Variants in FXR1 observed in about 807,000 individuals in gnomAD.
The protein encoded by FXR1 is FMR1 autosomal homolog 1, also known as RNA-binding protein FXR1.
Under a neutral mutation model 84.0 loss-of-function variants are expected in FXR1, and 15 were observed. The ratio of observed to expected loss-of-function variants is 0.18; its 90% CI spans 0.12 to 0.27. The LOEUF is 0.27. Ranked by LOEUF, FXR1 falls within the 10% of genes least tolerant of loss-of-function variation. The pLI, the probability that FXR1 is intolerant of heterozygous loss-of-function variation, is 1.00. For synonymous variants in FXR1, 245 were observed against 250.7 expected (o/e 0.98, Z 0.21); for missense variants, 480 against 774.4 (o/e 0.62, Z 4.51).
At chr3:180,931,336 G>A (rs1480118341) in intron 1 of FXR1, among the ~76,000 whole-genome samples, 1 of 151,206 alleles carries the variant, frequency 6.6e-6, no homozygotes, top group Admixed American at 6.6e-5. Context: ...CTCCTGCCTC[G>A]GCCTCCCGAG....
intron 3 of FXR1, among the ~76,000 whole-genome samples, chr3:180,938,313 T>C (rs1286532793): frequency 6.6e-6 from 1 of 152,212 alleles, no homozygotes; most frequent in East Asian, 1.9e-4. Context: ...ACTGGAGGTA[T>C]CTTTTTCATA....
rs72192827 is a variant in FXR1, at chr3:180,926,506, A to ATATATATAT, written c.52-6827_52-6826insATATATATT. On this transcript the variant is annotated intron_variant, in intron 1 of 16. Transcript: ENST00000357559. ...TATATATATATATATATATATATAT[A>ATATATATAT]TTTTTTTTTCTGGCCTTTTGTTGGC... is the stretch of plus-strand genomic sequence containing the variant. Among the ~76,000 whole-genome samples, 450 of 124,292 alleles carry ATATATATAT rather than the reference A, an allele frequency of 3.6e-3. 3 individuals are homozygous for ATATATATAT. Among genetic ancestry groups the ATATATATAT allele is most frequent in the Non-Finnish European group, 6.5e-3 (375 of 58,070 alleles). 81.5% of individuals were successfully genotyped at this position (124,292 alleles called of 152,430 possible).
chr3:180,946,113 T>C (rs192105940), intron 3 of FXR1, among the ~76,000 whole-genome samples: 1 of 152,316 alleles, frequency 6.6e-6, no homozygotes, highest in Non-Finnish European at 1.5e-5. Context: ...AATTCATAAT[T>C]ATCAACTGGT....
chr3:180,927,839 A>G, intron 1 of FXR1: 1 of 410,274 alleles, frequency 2.4e-6, no homozygotes. Context: ...GTTCATATCC[A>G]TCGATACCTT....
At chr3:180,944,562 A>C (rs1276108479) in intron 3 of FXR1, among the ~76,000 whole-genome samples, 1 of 151,802 alleles carries the variant, frequency 6.6e-6, no homozygotes, top group Non-Finnish European at 1.5e-5. Context: ...CCTGGGCTCA[A>C]GCAGTCCTCC....
intron 14 of FXR1, among the ~76,000 whole-genome samples, chr3:180,968,739 T>A (rs1308574088): frequency 1.3e-5 from 2 of 152,158 alleles, no homozygotes; most frequent in Non-Finnish European, 2.9e-5. Context: ...TTTTTAATTG[T>A]TGGAGGAACT....
intron 1 of FXR1, among the ~76,000 whole-genome samples, chr3:180,919,925 C>G (rs911726500): frequency 1.1e-4 from 17 of 152,102 alleles, no homozygotes; most frequent in Non-Finnish European, 1.6e-4. Flanking sequence ...CTCAGCCTCC[C>G]AAAGTGCTGG....
intron 3 of FXR1, among the ~76,000 whole-genome samples, chr3:180,936,259 A>G (rs1001384438): frequency 2.6e-5 from 4 of 151,686 alleles, no homozygotes; most frequent in East Asian, 2.0e-4. Context: ...TTATCTGCCA[A>G]TTTTATTTTA....
chr3:180,952,572 A>AG (rs757971369), intron 8 of FXR1, among the ~76,000 whole-genome samples: 5 of 146,730 alleles, frequency 3.4e-5, no homozygotes, highest in Non-Finnish European at 7.4e-5. Flanking sequence ...GAGAAGGAGG[A>AG]GGGAAAAAAA....
At chr3:180,941,657 G>A (rs566781799) in intron 3 of FXR1, among the ~76,000 whole-genome samples, 61 of 152,214 alleles carry the variant, frequency 4.0e-4, no homozygotes, top group African/African-American at 1.3e-3. Flanking sequence ...CTTGGGAAAC[G>A]CTCGCACATA....
At chr3:180,959,211 G>A (rs1057047776) in intron 10 of FXR1, among the ~76,000 whole-genome samples, 7 of 152,122 alleles carry the variant, frequency 4.6e-5, no homozygotes, top group South Asian at 2.1e-4. Flanking sequence ...CTGTTAATTC[G>A]TTAATTCTGA....
chr3:180,943,244 G>A (rs1721324202), intron 3 of FXR1, among the ~76,000 whole-genome samples: 1 of 142,376 alleles, frequency 7.0e-6, no homozygotes, highest in Non-Finnish European at 1.5e-5. Context: ...TGAGATTACA[G>A]GTGTGAGCCA....
chr3:180,944,174 A>G (rs996212062), intron 3 of FXR1, among the ~76,000 whole-genome samples: 4 of 152,116 alleles, frequency 2.6e-5, no homozygotes, highest in Admixed American at 2.6e-4. Flanking sequence ...CGGCCTCCCA[A>G]AGTGCTGGGA....
chr3:180,977,398 T>G lies in FXR1; in HGVS notation c.*1106T>G, dbSNP rs1714339104. ...ACATGTGATAATTAGCAAAAAAACC[T>G]AACAAAATTCTAATCAAAGGCAACT... On this transcript the variant is annotated 3_prime_UTR_variant, in exon 17 of 17. Transcript: ENST00000357559. 1 of 151,270 alleles carries G rather than the reference T, an allele frequency of 6.6e-6. No individual in the cohort carries two copies. Among genetic ancestry groups the G allele is most frequent in the Admixed American group, 6.6e-5 (1 of 15,230 alleles). The allele number at this position is 151,270 out of a possible 1,614,324, so 9.4% of individuals were successfully genotyped here.
intron 1 of FXR1, among the ~76,000 whole-genome samples, chr3:180,913,498 T>A (rs1181761142): frequency 6.6e-6 from 1 of 152,030 alleles, no homozygotes; most frequent in African/African-American, 2.4e-5. Context: ...TGCCCCTGTT[T>A]TTGGAGGGAG....
At chr3:180,963,491 A>T (rs897324498) in intron 13 of FXR1, among the ~76,000 whole-genome samples, 1 of 152,136 alleles carries the variant, frequency 6.6e-6, no homozygotes, top group Non-Finnish European at 1.5e-5. Context: ...TTAAGTAAAA[A>T]ATGAAAAGTG....
chr3:180,937,675 A>G (rs1254147161), intron 3 of FXR1, among the ~76,000 whole-genome samples: 4 of 152,138 alleles, frequency 2.6e-5, no homozygotes, highest in Admixed American at 6.6e-5. Context: ...CTTGCCACCC[A>G]TAGGATTTTG....
At position 180,976,820 on chromosome 3, in the gene FXR1, A is replaced by ATTTGTTAGAG. The variant is rs1714285625; in HGVS notation, c.*528_*529insTTTGTTAGAG. 6.6e-6 allele frequency: 1 copy of ATTTGTTAGAG among 152,632 alleles called. No homozygotes were observed. Among genetic ancestry groups the ATTTGTTAGAG allele is most frequent in the African/African-American group, 2.4e-5 (1 of 41,442 alleles). 9.5% of individuals were successfully genotyped at this position (152,632 alleles called of 1,614,324 possible). On this transcript the variant is annotated 3_prime_UTR_variant, in exon 17 of 17. Coordinates refer to ENST00000357559, the MANE Select transcript of FXR1 (RefSeq NM_005087.4). ...TAGAGGAAAATCTGCAGACCACTGG[A>ATTTGTTAGAG]ATACATTTGTTAAACTCTCATCTGC... is the stretch of plus-strand genomic sequence containing the variant.
chr3:180,914,943 A>G (rs1717699937), intron 1 of FXR1: 1 of 984,968 alleles, frequency 1.0e-6, no homozygotes, highest in Non-Finnish European at 1.2e-6. Context: ...AAGAATGAGA[A>G]TGGCGGAGTG....
Sources: allele counts gnomAD v4.1 joint callset (sites outside exome capture counted in the v4.1 genomes callset), GRCh38; gene constraint gnomAD v4.1.1; transcripts MANE v1.5; gene names NCBI Gene and HGNC (gene_info 2026-07-23, HGNC 2026-07-21).